Variants in CUL3 observed in about 807,000 individuals in gnomAD.
CUL3 encodes cullin-3.
Under a neutral mutation model 89.1 loss-of-function variants are expected in CUL3, and 19 were observed. The observed-to-expected ratio is 0.21, with a 90% confidence interval of 0.15 to 0.31. The LOEUF (loss-of-function observed/expected upper bound fraction) is 0.31. Ranked by LOEUF, CUL3 falls within the 10% of genes least tolerant of loss-of-function variation. The pLI is 1.00. For missense variants in CUL3, 469 were observed against 942.3 expected (o/e 0.50, Z 6.58); for synonymous variants, 351 against 308.4 (o/e 1.14, Z -1.45).
intron 1 of CUL3, among the ~76,000 whole-genome samples, chr2:224,575,096 T>A (rs1404050558): frequency 1.3e-5 from 2 of 152,244 alleles, no homozygotes; most frequent in Admixed American, 1.3e-4. Flanking sequence ...GCAGATTAAA[T>A]AATATAATTG....
intron 2 of CUL3, among the ~76,000 whole-genome samples, chr2:224,537,126 T>C (rs982726512): frequency 1.3e-5 from 2 of 152,202 alleles, no homozygotes; most frequent in African/African-American, 4.8e-5. Context: ...TGTTGAGATA[T>C]ATAGACACCT....
chr2:224,533,759 T>C (rs991773762), intron 3 of CUL3, among the ~76,000 whole-genome samples: 1 of 152,204 alleles, frequency 6.6e-6, no homozygotes, highest in African/African-American at 2.4e-5. Context: ...ACAAGGTTAA[T>C]TTATAACCGG....
At chr2:224,518,219 C>T (rs1260157265) in intron 3 of CUL3, among the ~76,000 whole-genome samples, 1 of 152,082 alleles carries the variant, frequency 6.6e-6, no homozygotes, top group African/African-American at 2.4e-5. Flanking sequence ...ATATAATTAT[C>T]CTGTAATATG....
At position 224,475,026 on chromosome 2, in the gene CUL3, T is replaced by C. The variant is rs528878715; in HGVS notation, c.2176-650A>G. On this transcript the variant is annotated intron_variant, in intron 15 of 15. Coordinates refer to ENST00000264414, the MANE Select transcript of CUL3 (RefSeq NM_003590.5). The stretch of plus-strand genomic sequence containing the variant: ...ATGTATGAGTTTATTTAATTTATTT[T>C]TTCTTTTTTGAGATCGAGTCTTGCT... Among the ~76,000 whole-genome samples, 12 of 152,338 alleles carry C rather than the reference T, an allele frequency of 7.9e-5. 1 individual carries two copies. In the East Asian group the frequency reaches 1.5e-3, roughly 20 times the overall value.
At chr2:224,500,622 C>CTT in intron 10 of CUL3, 135 bp from the exon 11 acceptor site, 14 of 610,050 alleles carry the variant, frequency 2.3e-5, no homozygotes, top group South Asian at 8.9e-5. Flanking sequence ...AGCAGATTTT[C>CTT]TTTTCTTTTT....
rs767240461 is a variant in CUL3 at position 224,497,824 on chromosome 2, G to A, written c.1636C>T (p.Arg546Ter). ...ATATGATGCTGGAGTGTGAGCTGTC[G>A]ACCACTGTGTTTGGCTAAGTAGAAC... is the stretch of plus-strand genomic sequence containing the variant. ...RRFYLAKHSG[R>*]QLTLQHHMGS... The change falls in exon 12 of 16, where the codon CGA (arginine) becomes TGA (stop). Residue 546 changes from arginine (R) to a stop codon, truncating the protein, a stop_gained. Transcript: ENST00000264414. LOFTEE classifies it high-confidence loss of function. 6.2e-7 allele frequency: 1 copy of A among 1,613,790 alleles called. No individual in the cohort carries two copies. The highest frequency in any genetic ancestry group is 8.5e-7 in the Non-Finnish European group (1 of 1,179,790).
At chr2:224,476,105 C>T (rs1236745706) in intron 15 of CUL3, among the ~76,000 whole-genome samples, 1 of 151,832 alleles carries the variant, frequency 6.6e-6, no homozygotes, top group Non-Finnish European at 1.5e-5. Flanking sequence ...CTCACTGCAA[C>T]CTTCGCCTCC....
chr2:224,486,391 A>G (rs1219526041), intron 13 of CUL3, among the ~76,000 whole-genome samples: 1 of 152,142 alleles, frequency 6.6e-6, no homozygotes, highest in African/African-American at 2.4e-5. Flanking sequence ...AGGAACTGCT[A>G]ACTAGAATAA....
intron 10 of CUL3, among the ~76,000 whole-genome samples, chr2:224,502,309 C>T (rs1692422806): frequency 6.6e-6 from 1 of 152,040 alleles, no homozygotes; most frequent in Non-Finnish European, 1.5e-5. Context: ...CTGTACAATT[C>T]TCTAAACTTA....
rs1691238498 is a variant in CUL3, at chr2:224,474,346, G to A, written c.2206C>T (p.Pro736Ser). Residue 736 changes from proline to serine, a missense_variant, in exon 16 of 16, where the codon CCA (proline) becomes TCA (serine). Coordinates refer to ENST00000264414, the MANE Select transcript of CUL3 (RefSeq NM_003590.5). ...VTQQLKARFL[P>S]SPVVIKKRIE... is the part of the protein sequence containing the mutation. ...CGTTTCTTAATAACAACTGGACTTG[G>A]TAAGAATCGCGCCTTCAACTGCTGA... 1.2e-6 allele frequency: 2 copies of A among 1,613,490 alleles called. No homozygotes were observed. Among genetic ancestry groups the A allele is most frequent in the Non-Finnish European group, 1.7e-6 (2 of 1,179,790 alleles).
At position 224,472,117 on chromosome 2, in the gene CUL3, TCCAA is replaced by T. The variant is rs1691152562; in HGVS notation, c.*2124_*2127del. 2 of 229,640 alleles carry T rather than the reference TCCAA, an allele frequency of 8.7e-6. No homozygotes were observed. Among genetic ancestry groups the T allele is most frequent in the Non-Finnish European group, 1.7e-5 (2 of 115,912 alleles). The allele number at this position is 229,640 out of a possible 1,614,324, so 14.2% of individuals were successfully genotyped here. ...GTGCAGCATCACATCGCCAGCAATCTCCAACCATTCAACTGCAATTCAGAAATGT... is the reference window on the plus strand; with the variant it reads ...GTGCAGCATCACATCGCCAGCAATCTCCATTCAACTGCAATTCAGAAATGT... On this transcript the variant is annotated 3_prime_UTR_variant, in exon 16 of 16. Coordinates refer to ENST00000264414, the MANE Select transcript of CUL3 (RefSeq NM_003590.5).
intron 3 of CUL3, among the ~76,000 whole-genome samples, chr2:224,521,940 T>C (rs1169389086): frequency 1.3e-5 from 2 of 152,146 alleles, no homozygotes; most frequent in East Asian, 3.8e-4. Flanking sequence ...ACTGTTTTTG[T>C]CTACTACTGT....
intron 5 of CUL3, among the ~76,000 whole-genome samples, chr2:224,512,199 C>T (rs775078877): frequency 3.4e-4 from 51 of 152,048 alleles, no homozygotes; most frequent in Non-Finnish European, 6.3e-4. Flanking sequence ...GGGTCCACAC[C>T]ATTCTCCTGC....
intron 3 of CUL3, among the ~76,000 whole-genome samples, chr2:224,520,765 T>C (rs1245676442): frequency 6.6e-6 from 1 of 152,180 alleles, no homozygotes; most frequent in Non-Finnish European, 1.5e-5. Context: ...ACAAACAAAA[T>C]GCTTGGCCCT....
At chr2:224,512,099 TTTC>T (rs1385028433) in intron 5 of CUL3, among the ~76,000 whole-genome samples, 2 of 143,070 alleles carry the variant, frequency 1.4e-5, no homozygotes, top group Non-Finnish European at 3.0e-5. Context: ...TCATCTTTTT[TTTC>T]TTTTTTTTTT....
intron 11 of CUL3, among the ~76,000 whole-genome samples, chr2:224,498,130 C>T (rs556589852): frequency 6.6e-6 from 1 of 152,318 alleles, no homozygotes; most frequent in South Asian, 2.1e-4. Context: ...TCAGCCCTTG[C>T]TGTTCTTAAG....
chr2:224,580,757 G>C (rs542851335), intron 1 of CUL3, among the ~76,000 whole-genome samples: 81 of 152,124 alleles, frequency 5.3e-4, no homozygotes, highest in Non-Finnish European at 1.0e-3. Flanking sequence ...ATCTGGAGTA[G>C]TATCTATAAA....
intron 1 of CUL3, among the ~76,000 whole-genome samples, chr2:224,559,891 G>A (rs1057495122): frequency 6.6e-6 from 1 of 152,092 alleles, no homozygotes; most frequent in Non-Finnish European, 1.5e-5. Context: ...AGACCAGGTT[G>A]GGCAATATGG....
rs77211302 is a variant in CUL3, at chr2:224,472,064, T to C, written c.*2181A>G. On this transcript the variant is annotated 3_prime_UTR_variant, in exon 16 of 16. Coordinates refer to ENST00000264414, the MANE Select transcript of CUL3 (RefSeq NM_003590.5). ...AATAATACTTATGCAGTCAAACATA[T>C]AAACATTTTGTGTGACCAGTTTTTT... is the stretch of plus-strand genomic sequence containing the variant. The C allele has an allele frequency of 2.2e-5, 5 of 230,704 alleles. No individual in the cohort carries two copies. The highest frequency in any genetic ancestry group is 4.3e-5 in the Non-Finnish European group (5 of 116,498). The allele number at this position is 230,704 out of a possible 1,614,324, so 14.3% of individuals were successfully genotyped here. A position where few individuals can be genotyped will look rare whatever the true frequency, so the allele number is the denominator to read the frequency against.
Sources: allele counts gnomAD v4.1 joint callset (sites outside exome capture counted in the v4.1 genomes callset), GRCh38; gene constraint gnomAD v4.1.1; transcripts MANE v1.5; gene names NCBI Gene and HGNC (gene_info 2026-07-23, HGNC 2026-07-21).